Variants in NAV2 observed in about 807,000 individuals in gnomAD.
The protein encoded by NAV2 is helicase, APC down-regulated 1.
Under a neutral mutation model 223.2 loss-of-function variants are expected in NAV2, and 54 were observed. That is an observed-to-expected ratio of 0.24 (90% CI 0.19 to 0.30). The LOEUF is 0.30. NAV2 is among the 10% of genes least tolerant of loss of function. The pLI, the probability that NAV2 is intolerant of heterozygous loss-of-function variation, is 1.00. For missense variants in NAV2, 2,806 were observed against 3,147.5 expected (o/e 0.89, Z 2.60); for synonymous variants, 1,279 against 1,239.3 (o/e 1.03, Z -0.67).
At position 19,933,598 on chromosome 11, in the gene NAV2, G is replaced by A. The variant is rs374810981; in HGVS notation, c.1354G>A (p.Val452Met). The A allele has an allele frequency of 1.2e-5, 19 of 1,613,688 alleles. No individual in the cohort carries two copies. Among genetic ancestry groups the A allele is most frequent in the East Asian group, 4.5e-5 (2 of 44,878 alleles). ...LEAASRMLTT[V>M]GPASSSPKIA... is the part of the protein sequence containing the mutation. ...GGCCGCCAGTCGCATGCTCACCACC[G>A]TGGGCCCTGCTTCCAGCAGCCCCAA... Residue 452 changes from valine (V) to methionine (M), a missense_variant, in exon 7 of 38, where the codon GTG (valine) becomes ATG (methionine). Around this residue, in one of 4 missense-constraint regions of NAV2, gnomAD observed 1,167 missense variants for 1,180.5 expected, o/e 0.99. Transcript: ENST00000349880. This position sits in a 1 kb window ranked among gnomAD's most constrained non-coding sequence, Gnocchi z 4.3.
chr11:19,844,613 T>G (rs2060685647), intron 3 of NAV2, among the ~76,000 whole-genome samples: 1 of 152,236 alleles, frequency 6.6e-6, no homozygotes, highest in Non-Finnish European at 1.5e-5. Context: ...GATTTTGGCA[T>G]ATTTTAGATT....
intron 1 of NAV2, among the ~76,000 whole-genome samples, chr11:19,640,634 GAA>G (rs2047638622): frequency 6.6e-6 from 1 of 152,122 alleles, no homozygotes; most frequent in South Asian, 2.1e-4. Flanking sequence ...AACATTTTAG[GAA>G]AAGAGATGTG....
At chr11:19,708,307 C>G (rs747221587), upstream of NAV2, among the ~76,000 whole-genome samples, 3 of 152,134 alleles carry the variant, frequency 2.0e-5, no homozygotes, top group Admixed American at 6.5e-5. Flanking sequence ...GTTGCCAACC[C>G]ATTTGTAGAA....
chr11:19,988,405 A>G (rs2153460287), intron 11 of NAV2, among the ~76,000 whole-genome samples: 1 of 147,494 alleles, frequency 6.8e-6, no homozygotes, highest in South Asian at 2.2e-4. Context: ...AATTTAGGCG[A>G]TAAGGCCATA....
chr11:19,848,954 T>G (rs1457269427), intron 3 of NAV2, among the ~76,000 whole-genome samples: 4 of 152,214 alleles, frequency 2.6e-5, no homozygotes, highest in Non-Finnish European at 2.9e-5. Flanking sequence ...ATAATCCACT[T>G]GGCCTTAGCA....
chr11:19,747,522 G>A (rs1045306372), intron 1 of NAV2, among the ~76,000 whole-genome samples: 1 of 152,156 alleles, frequency 6.6e-6, no homozygotes, highest in Non-Finnish European at 1.5e-5. Flanking sequence ...TTCTCACACA[G>A]GACAGTAGTC....
intron 1 of NAV2, among the ~76,000 whole-genome samples, chr11:19,635,401 G>C (rs573253793): frequency 1.1e-4 from 17 of 152,304 alleles, no homozygotes; most frequent in Admixed American, 2.6e-4. Flanking sequence ...AGTCAGAATG[G>C]TATTATGGTA....
chr11:20,055,959 T>C lies in NAV2; in HGVS notation c.4831+2T>C. ...CATTCCGGGATGGGTTTGAAGAAGG[T>C]AAGGAAGGAAAGGAAGAAGGTAAGG... On this transcript the variant is annotated splice_donor_variant, in intron 19 of 37. Transcript: ENST00000349880. LOFTEE classifies it high-confidence loss of function. The C allele has an allele frequency of 6.2e-7, 1 of 1,612,324 alleles. No homozygotes were observed. Among genetic ancestry groups the C allele is most frequent in the Non-Finnish European group, 8.5e-7 (1 of 1,179,582 alleles).
At chr11:19,382,838 A>G (rs1449815981) in intron 1 of NAV2, among the ~76,000 whole-genome samples, 2 of 152,208 alleles carry the variant, frequency 1.3e-5, no homozygotes, top group Non-Finnish European at 2.9e-5. Flanking sequence ...CTAGTACATG[A>G]CAGAGGCAGA....
At chr11:19,532,153 A>C (rs944659950) in intron 1 of NAV2, among the ~76,000 whole-genome samples, 9 of 152,182 alleles carry the variant, frequency 5.9e-5, no homozygotes, top group African/African-American at 2.2e-4. Flanking sequence ...AGCCCAGTGG[A>C]AAGTTGGGCA....
chr11:20,075,463 G>A (rs1391251869), intron 22 of NAV2, among the ~76,000 whole-genome samples: 1 of 151,870 alleles, frequency 6.6e-6, no homozygotes, highest in Admixed American at 6.6e-5. Flanking sequence ...GGATAGTCTC[G>A]ATCTCCTGAC....
chr11:20,114,823 A>C (rs987245964), intron 37 of NAV2, 28 bp downstream of exon 37: 10 of 1,597,346 alleles, frequency 6.3e-6, no homozygotes, highest in Middle Eastern at 1.9e-4. Context: ...AGAGCAGCTC[A>C]GCATTCCTTT....
chr11:20,076,603 C>T (rs2153655842), intron 22 of NAV2, among the ~76,000 whole-genome samples: 1 of 152,262 alleles, frequency 6.6e-6, no homozygotes, highest in South Asian at 2.1e-4. Flanking sequence ...ATAACATTAC[C>T]AGGATTCTCA....
At chr11:19,727,848 G>A (rs1417520913) in intron 1 of NAV2, among the ~76,000 whole-genome samples, 1 of 152,252 alleles carries the variant, frequency 6.6e-6, no homozygotes, top group Non-Finnish European at 1.5e-5. Flanking sequence ...AGAGGACTTA[G>A]TGACAGAGGT....
intron 18 of NAV2, 43 bp downstream of exon 18, chr11:20,054,283 G>A (rs1255381879): frequency 1.3e-6 from 2 of 1,547,102 alleles, no homozygotes; most frequent in African/African-American, 2.8e-5. Flanking sequence ...CAGCTCCACA[G>A]GGCAGTGGTT....
At chr11:19,660,406 T>G (rs1045423158) in intron 1 of NAV2, among the ~76,000 whole-genome samples, 1 of 152,070 alleles carries the variant, frequency 6.6e-6, no homozygotes, top group African/African-American at 2.4e-5. Context: ...GACATTAGGG[T>G]TCATACGTTC....
At position 20,080,079 on chromosome 11, in the gene NAV2, A is replaced by G. The variant is rs549122977; in HGVS notation, c.5195A>G (p.Gln1732Arg). Residue 1732 changes from glutamine (Q) to arginine (R), a missense_variant, in exon 25 of 38, where the codon CAG (glutamine) becomes CGG (arginine). By Grantham distance (43) the Gln-to-Arg change is conservative. Coordinates refer to ENST00000349880, the MANE Select transcript of NAV2 (RefSeq NM_145117.5). ...ELNCKGNGTA[Q>R]SADLRIRRQH... ...TGGTCTCCAGGAAACGGCACTGCCC[A>G]GTCTGCAGACCTCCGCATCCGCAGG... is the stretch of plus-strand genomic sequence containing the variant. 1.8e-5 allele frequency: 29 copies of G among 1,613,820 alleles called. No homozygotes were observed. Among genetic ancestry groups the G allele is most frequent in the Non-Finnish European group, 2.0e-5 (24 of 1,180,022 alleles).
At chr11:19,910,584 C>CGCGGTGGCTT (rs2043222121) in intron 6 of NAV2, among the ~76,000 whole-genome samples, 1 of 152,192 alleles carries the variant, frequency 6.6e-6, no homozygotes, top group Non-Finnish European at 1.5e-5. Context: ...ACTAGCCAGG[C>CGCGGTGGCTT]GCGGTGGCTT....
intron 5 of NAV2, among the ~76,000 whole-genome samples, chr11:19,888,675 C>T (rs1225992776): frequency 6.6e-6 from 1 of 152,162 alleles, no homozygotes; most frequent in African/African-American, 2.4e-5. Context: ...CCCTGCCCTG[C>T]TTTCTTCTCT....
Sources: allele counts gnomAD v4.1 joint callset (sites outside exome capture counted in the v4.1 genomes callset), GRCh38; gene constraint gnomAD v4.1.1; regional missense constraint gnomAD v4.1.1; non-coding constraint Gnocchi (gnomAD v3.1); transcripts MANE v1.5; gene names NCBI Gene and HGNC (gene_info 2026-07-23, HGNC 2026-07-21).